STXBP3: variants seen among roughly 807,000 people sequenced by gnomAD.
STXBP3 encodes the protein syntaxin binding protein 3, also known as syntaxin-binding protein 3.
In STXBP3, 41 loss-of-function variants were observed where a neutral mutation model predicts 85.7. The observed-to-expected ratio is 0.48, with a 90% CI of 0.37 to 0.62. The LOEUF (loss-of-function observed/expected upper bound fraction) is 0.62, where lower values mean the gene tolerates loss of function less well. STXBP3 is among the 20% of genes least tolerant of loss of function. The pLI, the probability that STXBP3 is intolerant of heterozygous loss-of-function variation, is 0.00. For missense variants in STXBP3, 563 were observed against 703.1 expected, an observed-to-expected ratio of 0.80 and a Z score of 2.25; for synonymous variants, 229 against 231.7, an observed-to-expected ratio of 0.99 and a Z score of 0.10.
chr1:108,782,261 C>T (rs183197896), intron 9 of STXBP3, 161 bp from the exon 10 acceptor site: 204 of 570,056 alleles, frequency 3.6e-4, no homozygotes, highest in African/African-American at 3.4e-3. Context: ...AGGATAGCAG[C>T]GTGCCTTAGT....
intron 11 of STXBP3, among the ~76,000 whole-genome samples, chr1:108,786,161 G>C (rs1662820263): frequency 6.6e-6 from 1 of 152,176 alleles, no homozygotes; most frequent in African/African-American, 2.4e-5. Flanking sequence ...AGATTCAGTT[G>C]ACTCACAGTT....
At chr1:108,762,989 C>T (rs1341257207) in intron 6 of STXBP3, among the ~76,000 whole-genome samples, 3 of 152,202 alleles carry the variant, frequency 2.0e-5, no homozygotes, top group Non-Finnish European at 4.4e-5. Context: ...TTCAGTGTTA[C>T]AGCAACAGCA....
At chr1:108,788,680 T>TATCC (rs2101128017) in intron 11 of STXBP3, among the ~76,000 whole-genome samples, 1 of 152,330 alleles carries the variant, frequency 6.6e-6, no homozygotes, top group South Asian at 2.1e-4. Flanking sequence ...AATGTCCTCT[T>TATCC]ATCCTTTCAA....
chr1:108,784,691 G>C (rs1662788979), intron 11 of STXBP3, among the ~76,000 whole-genome samples: 1 of 151,256 alleles, frequency 6.6e-6, no homozygotes, highest in South Asian at 2.1e-4. Flanking sequence ...AAAAGTCCAA[G>C]TCCAGAGTTT....
chr1:108,775,081 T>C (rs1340035741), intron 7 of STXBP3, among the ~76,000 whole-genome samples: 1 of 152,158 alleles, frequency 6.6e-6, no homozygotes, highest in South Asian at 2.1e-4. Context: ...TATTGTACAA[T>C]TAATTTATTG....
At chr1:108,758,723 C>T (rs1365087788) in intron 5 of STXBP3, 135 bp downstream of exon 5, 1 of 403,606 alleles carries the variant, frequency 2.5e-6, no homozygotes, top group Non-Finnish European at 4.5e-6. Context: ...TGGTGATTTT[C>T]TATTTATCAT....
At chr1:108,771,398 A>G (rs1330708473) in intron 6 of STXBP3, among the ~76,000 whole-genome samples, 1 of 70,988 alleles carries the variant, frequency 1.4e-5, no homozygotes. Context: ...AATATATATG[A>G]TATATATCTA....
intron 8 of STXBP3, among the ~76,000 whole-genome samples, chr1:108,777,965 T>C (rs1030169995): frequency 6.6e-6 from 1 of 152,160 alleles, no homozygotes; most frequent in Admixed American, 6.5e-5. Context: ...AGTCATCTTA[T>C]AAGGCAAAGA....
intron 3 of STXBP3, among the ~76,000 whole-genome samples, chr1:108,754,846 G>C (rs1661983875): frequency 6.6e-6 from 1 of 152,120 alleles, no homozygotes; most frequent in Non-Finnish European, 1.5e-5. Flanking sequence ...GTATATCATA[G>C]AGCTCGCTGC....
intron 17 of STXBP3, among the ~76,000 whole-genome samples, chr1:108,806,577 T>C (rs925052482): frequency 3.3e-5 from 5 of 152,220 alleles, no homozygotes; most frequent in Non-Finnish European, 7.4e-5. Context: ...TCATACTGAA[T>C]CAAAAACAAG....
In STXBP3 at chr1:108,765,943, A is replaced by G. The variant is rs148567366; in HGVS notation, c.438+5858A>G. ...TCTTGGCTCACTTCAGCCTCTGTCT[A>G]CTGGGCTCAAGCGATTTTCCTGATT... On this transcript the variant is annotated intron_variant, in intron 6 of 18. Coordinates refer to ENST00000370008, the MANE Select transcript of STXBP3 (RefSeq NM_007269.4). 2.4e-3 allele frequency among the ~76,000 whole-genome samples: 336 copies of G among 140,756 alleles called. 4 individuals carry two copies. The highest frequency in any genetic ancestry group is 8.5e-3 in the African/African-American group (314 of 37,004). 92.3% of individuals were successfully genotyped at this position (140,756 alleles called of 152,430 possible).
intron 3 of STXBP3, 106 bp from the exon 4 acceptor site, chr1:108,756,584 A>G: frequency 1.8e-6 from 1 of 542,320 alleles, no homozygotes; most frequent in Non-Finnish European, 2.9e-6. Context: ...TTATTTGTAA[A>G]TGTATTTTCA....
chr1:108,779,587 A>G, intron 9 of STXBP3, 177 bp downstream of exon 9: 2 of 627,624 alleles, frequency 3.2e-6, no homozygotes, highest in Non-Finnish European at 4.6e-6. Flanking sequence ...TTGACCTTGT[A>G]AATTAAAGTG....
Position 108,796,593 on chromosome 1 carries a change from G to T in STXBP3, c.1250-27G>T, listed in dbSNP as rs773459664. 4 of 1,588,320 alleles carry T rather than the reference G, an allele frequency of 2.5e-6. No homozygotes were observed. In the African/African-American group the frequency reaches 4.0e-5, roughly 16 times the overall value. On this transcript the variant is annotated intron_variant, in intron 14 of 18. Coordinates refer to ENST00000370008, the MANE Select transcript of STXBP3 (RefSeq NM_007269.4). ...TTATTTTGGTAGCAATTGTGTGATT[G>T]TGCACTCATATTTTTACCTATTTAA...
At chr1:108,762,430 C>A (rs1008951253) in intron 6 of STXBP3, among the ~76,000 whole-genome samples, 1 of 149,850 alleles carries the variant, frequency 6.7e-6, no homozygotes, top group Non-Finnish European at 1.5e-5. Context: ...GGGGTCTAGT[C>A]TCCTAGGCAT....
intron 18 of STXBP3, among the ~76,000 whole-genome samples, chr1:108,808,287 G>A (rs950217509): frequency 6.6e-6 from 1 of 152,172 alleles, no homozygotes; most frequent in South Asian, 2.1e-4. Flanking sequence ...CAAAGCAGAA[G>A]GGTCACTTGA....
At chr1:108,756,924 T>C (rs760452044) in intron 4 of STXBP3, 158 bp downstream of exon 4, 4 of 424,020 alleles carry the variant, frequency 9.4e-6, no homozygotes, top group Non-Finnish European at 1.3e-5. Flanking sequence ...TAGAAGATTA[T>C]TTGCATTCTT....
intron 11 of STXBP3, among the ~76,000 whole-genome samples, chr1:108,786,793 C>T (rs1249765998): frequency 6.6e-6 from 1 of 152,128 alleles, no homozygotes; most frequent in African/African-American, 2.4e-5. Flanking sequence ...TTAGATTCTG[C>T]TTGACAATTT....
chr1:108,771,417 A>T (rs12127750), intron 6 of STXBP3, among the ~76,000 whole-genome samples: 35 of 76,556 alleles, frequency 4.6e-4, no homozygotes, highest in South Asian at 7.4e-4. Context: ...TATATATATA[A>T]TATATAAATA....
Sources: allele counts gnomAD v4.1 joint callset (sites outside exome capture counted in the v4.1 genomes callset), GRCh38; gene constraint gnomAD v4.1.1; transcripts MANE v1.5; gene names NCBI Gene and HGNC (gene_info 2026-07-23, HGNC 2026-07-21).